EDIL3: variants seen among roughly 807,000 people sequenced by gnomAD.
The protein encoded by EDIL3 is EGF like and discoidin domains 3.
A neutral mutation model predicts 67.4 loss-of-function variants in EDIL3; 37 were observed. The observed-to-expected ratio is 0.55, with a 90% CI of 0.42 to 0.72. The LOEUF (loss-of-function observed/expected upper bound fraction) is 0.72. EDIL3 is among the 30% of genes least tolerant of loss of function. The pLI, the probability that EDIL3 is intolerant of heterozygous loss-of-function variation, is 0.00. For synonymous variants in EDIL3, 195 were observed against 196.3 expected, an observed-to-expected ratio of 0.99 and a Z score of 0.05; for missense variants, 527 against 586.3, an observed-to-expected ratio of 0.90 and a Z score of 1.04.
At chr5:84,354,798 T>G (rs955861852) in intron 1 of EDIL3, among the ~76,000 whole-genome samples, 1 of 152,194 alleles carries the variant, frequency 6.6e-6, no homozygotes, top group Admixed American at 6.5e-5. Context: ...CTTACACAAT[T>G]TTTATACCTT....
At position 84,240,585 on chromosome 5, in the gene EDIL3, C is replaced by T. The variant is rs562369532; in HGVS notation, c.197-10701G>A. On this transcript the variant is annotated intron_variant, in intron 2 of 10. Coordinates refer to ENST00000296591, the MANE Select transcript of EDIL3 (RefSeq NM_005711.5). Reference sequence around the variant, plus strand: ...GAGCAGGAACCCTATTGTGAGCATGCCTATGTGGGTTATCTAGGGTGTGGC... The same window carrying T: ...GAGCAGGAACCCTATTGTGAGCATGTCTATGTGGGTTATCTAGGGTGTGGC... 5.8e-4 allele frequency among the ~76,000 whole-genome samples: 88 copies of T among 152,146 alleles called. No homozygotes were observed. In the Middle Eastern group the frequency reaches 0.014, roughly 24 times the overall value.
chr5:84,026,186 C>G lies in EDIL3; in HGVS notation c.1137+34114G>C, dbSNP rs371704753. Among the ~76,000 whole-genome samples, 320 of 152,200 alleles carry G rather than the reference C, an allele frequency of 2.1e-3. 1 individual carries two copies. Among genetic ancestry groups the G allele is most frequent in the African/African-American group, 7.5e-3 (312 of 41,558 alleles). On this transcript the variant is annotated intron_variant, in intron 9 of 10. Coordinates refer to ENST00000296591, the MANE Select transcript of EDIL3 (RefSeq NM_005711.5). ...CAGAATCTGCATTTTAACAAGATGTCCAGGTAATTCATATGCACACTGACT... is the reference window on the plus strand; with the variant it reads ...CAGAATCTGCATTTTAACAAGATGTGCAGGTAATTCATATGCACACTGACT...
chr5:83,996,158 C>T (rs1021516772), intron 9 of EDIL3, among the ~76,000 whole-genome samples: 1 of 152,026 alleles, frequency 6.6e-6, no homozygotes, highest in Non-Finnish European at 1.5e-5. Context: ...TATGTAAGTG[C>T]CATTGAACAA....
At chr5:84,063,846 AT>A (rs1359798184) in intron 8 of EDIL3, among the ~76,000 whole-genome samples, 1 of 152,158 alleles carries the variant, frequency 6.6e-6, no homozygotes, top group Non-Finnish European at 1.5e-5. Flanking sequence ...CTTCACAGTT[AT>A]TTGAACAAAA....
intron 4 of EDIL3, among the ~76,000 whole-genome samples, chr5:84,154,578 A>T (rs975970260): frequency 1.2e-4 from 17 of 142,486 alleles, no homozygotes; most frequent in Non-Finnish European, 1.7e-4. Flanking sequence ...GGAATATTTA[A>T]TTTTTTTTTT....
At chr5:84,129,649 T>TA (rs1262815470) in intron 5 of EDIL3, among the ~76,000 whole-genome samples, 4 of 152,104 alleles carry the variant, frequency 2.6e-5, no homozygotes, top group Non-Finnish European at 5.9e-5. Flanking sequence ...TTCAAATTTC[T>TA]AAAACAGAGC....
intron 6 of EDIL3, among the ~76,000 whole-genome samples, chr5:84,075,238 T>C (rs1055925177): frequency 8.6e-5 from 13 of 151,908 alleles, no homozygotes; most frequent in Non-Finnish European, 1.8e-4. Context: ...TTAGGAGATA[T>C]ACCTAATGCT....
At chr5:84,123,406 C>G (rs1747812852) in intron 5 of EDIL3, among the ~76,000 whole-genome samples, 1 of 151,902 alleles carries the variant, frequency 6.6e-6, no homozygotes, top group South Asian at 2.1e-4. Flanking sequence ...AATGAATAAG[C>G]AAATACCAAT....
At chr5:84,034,095 G>C (rs1215097473) in intron 9 of EDIL3, among the ~76,000 whole-genome samples, 1 of 152,094 alleles carries the variant, frequency 6.6e-6, no homozygotes, top group East Asian at 1.9e-4. Context: ...TAGATAAAAA[G>C]GCTTTGGCAT....
chr5:83,963,742 C>T (rs1744645302), intron 9 of EDIL3, among the ~76,000 whole-genome samples: 1 of 149,014 alleles, frequency 6.7e-6, no homozygotes, highest in Non-Finnish European at 1.5e-5. Flanking sequence ...CAGAACTTTA[C>T]TTATAGTTCA....
rs573701488 is a variant in EDIL3, at chr5:84,348,495, T to A, written c.67+35813A>T. Among the ~76,000 whole-genome samples, 4 of 152,114 alleles carry A rather than the reference T, an allele frequency of 2.6e-5. No individual in the cohort carries two copies. The East Asian group carries it at 7.7e-4, about 29-fold the overall frequency. On this transcript the variant is annotated intron_variant, in intron 1 of 10. Coordinates refer to ENST00000296591, the MANE Select transcript of EDIL3 (RefSeq NM_005711.5). ...ATTAAAAAATCTAACTTACTAAGCT[T>A]CCTTATTCAAAAACCTTCAATGAGT...
chr5:84,215,545 C>T (rs2093117800), intron 3 of EDIL3, among the ~76,000 whole-genome samples: 1 of 152,162 alleles, frequency 6.6e-6, no homozygotes, highest in Non-Finnish European at 1.5e-5. Flanking sequence ...AGCCACCACG[C>T]CCAGTTAAGA....
intron 5 of EDIL3, among the ~76,000 whole-genome samples, chr5:84,125,649 C>T (rs530790569): frequency 5.3e-5 from 8 of 152,084 alleles, no homozygotes; most frequent in East Asian, 1.9e-4. Flanking sequence ...AGTTAACAGG[C>T]GGACATTCTC....
chr5:84,319,494 C>CAAAAAAAAAAAAAAAAAAAAA (rs55738450), intron 1 of EDIL3, among the ~76,000 whole-genome samples: 13 of 42,830 alleles, frequency 3.0e-4, no homozygotes, highest in Non-Finnish European at 3.9e-4. Context: ...CAAAAAACAA[C>CAAAAAAAAAAAAAAAAAAAAA]AAAAAAAAAA....
chr5:84,230,765 G>A (rs1744562015), intron 2 of EDIL3, among the ~76,000 whole-genome samples: 1 of 133,610 alleles, frequency 7.5e-6, no homozygotes, highest in African/African-American at 3.0e-5. Context: ...ACTACGTGAT[G>A]TGTGTGTGTG....
intron 5 of EDIL3, among the ~76,000 whole-genome samples, chr5:84,122,208 T>C (rs1482074025): frequency 1.3e-5 from 2 of 151,978 alleles, no homozygotes; most frequent in African/African-American, 4.8e-5. Context: ...AGGTGGACTG[T>C]CCATAACTCT....
chr5:84,374,613 T>C (rs1274847166), intron 1 of EDIL3, among the ~76,000 whole-genome samples: 1 of 152,142 alleles, frequency 6.6e-6, no homozygotes, highest in Non-Finnish European at 1.5e-5. Flanking sequence ...GCATATGATA[T>C]GGTTTGGCTC....
At chr5:84,140,176 C>G (rs1253458867) in intron 4 of EDIL3, among the ~76,000 whole-genome samples, 2 of 152,018 alleles carry the variant, frequency 1.3e-5, no homozygotes, top group Non-Finnish European at 2.9e-5. Context: ...GGGACAGAAA[C>G]CCACAAAAGA....
At chr5:84,371,831 A>T (rs1294624849) in intron 1 of EDIL3, among the ~76,000 whole-genome samples, 2 of 152,088 alleles carry the variant, frequency 1.3e-5, no homozygotes, top group East Asian at 3.9e-4. Context: ...GTGGCCTGAC[A>T]GAAAAAATTA....
Sources: gnomAD v4.1 joint callset for allele counts (sites outside exome capture counted in the v4.1 genomes callset) on GRCh38, gnomAD v4.1.1 for gene constraint, MANE v1.5 for transcripts, NCBI Gene and HGNC (gene_info 2026-07-23, HGNC 2026-07-21) for gene names.